The following OGDHL variants were observed in gnomAD, a reference collection of about 807,000 sequenced individuals.
The protein encoded by OGDHL is 2-oxoglutarate dehydrogenase-like, mitochondrial.
A neutral mutation model predicts 109.6 loss-of-function variants in OGDHL; 79 were observed. That is an observed-to-expected ratio of 0.72 (90% confidence interval 0.60 to 0.87). The LOEUF (loss-of-function observed/expected upper bound fraction) is 0.87. Among genes scored for constraint, OGDHL ranks in the 40% least tolerant of loss-of-function variants. The probability of loss-of-function intolerance (pLI) is 0.00; values close to 1 mark genes in which losing one functional copy is unlikely to be tolerated. For missense variants in OGDHL, 1,275 were observed against 1,362.2 expected (o/e 0.94, Z 1.01); for synonymous variants, 528 against 537.2 (o/e 0.98, Z 0.24).
At position 49,742,949 on chromosome 10, in the gene OGDHL, C is replaced by T; in HGVS notation, c.1891G>A (p.Asp631Asn). ...GLSRILRGRA[D>N]MTKNRTVDWA... ...TCCACCGTCCGGTTCTTGGTCATGTCCGCACGGCCCCGCAGAATGCGAGAG... is the reference window on the plus strand; with the variant it reads ...TCCACCGTCCGGTTCTTGGTCATGTTCGCACGGCCCCGCAGAATGCGAGAG... Residue 631 changes from aspartate (D) to asparagine (N), a missense_variant, in exon 15 of 23, where the codon GAC becomes AAC. Physicochemically the swap from Asp to Asn is conservative, Grantham distance 23 (BLOSUM62 1). Coordinates refer to ENST00000374103, the MANE Select transcript of OGDHL (RefSeq NM_018245.3). 6.2e-7 allele frequency: 1 copy of T among 1,613,746 alleles called. No individual in the cohort carries two copies. Among genetic ancestry groups the T allele is most frequent in the Non-Finnish European group, 8.5e-7 (1 of 1,179,998 alleles).
In OGDHL at chr10:49,742,891, G is replaced by T; in HGVS notation, c.1949C>A (p.Ser650Tyr). 1 of 1,614,008 alleles carries T rather than the reference G, an allele frequency of 6.2e-7. No homozygotes were observed. Among genetic ancestry groups the T allele is most frequent in the Non-Finnish European group, 8.5e-7 (1 of 1,179,978 alleles). Residue 650 changes from serine to tyrosine, a missense_variant, in exon 15 of 23, where the codon TCC becomes TAC. Coordinates refer to ENST00000374103, the MANE Select transcript of OGDHL (RefSeq NM_018245.3). The stretch of plus-strand genomic sequence containing the variant: ...CACGTGGATGCCTTCCTTCAGCAGG[G>T]AGCCAAAGGCCATGTACTCTGCCAA... The part of the protein sequence containing the change: ...WALAEYMAFG[S>Y]LLKEGIHVRL...
chr10:49,758,515 C>T lies in OGDHL; in HGVS notation c.78G>A (p.Val26=). ...CGGAGGACCTGCTGCGCCAGCCAAA[C>T]ACCGGGACGTCATGTGCAGCCAGGA... ...ARLLAAHDVP[V]FGWRSRSSGP... is the part of the protein sequence containing the mutation. Residue 26 remains valine, a synonymous_variant, in exon 2 of 23, where the codon GTG becomes GTA. Transcript: ENST00000374103. The T allele has an allele frequency of 6.2e-7, 1 of 1,613,944 alleles. No individual in the cohort carries two copies. The highest frequency in any genetic ancestry group is 2.2e-5 in the East Asian group (1 of 44,874).
At chr10:49,757,072 G>C (rs1043454297) in intron 2 of OGDHL, 126 bp from the exon 3 acceptor site, 5 of 906,064 alleles carry the variant, frequency 5.5e-6, no homozygotes, top group South Asian at 2.0e-5. Context: ...GCCTTCCCAG[G>C]GTGCCTAGAT....
At chr10:49,743,036 G>T in intron 14 of OGDHL, 58 bp from the exon 15 acceptor site, 1 of 1,586,482 alleles carries the variant, frequency 6.3e-7, no homozygotes, top group Non-Finnish European at 8.5e-7. Flanking sequence ...GGGGCGGGTA[G>T]GTAGGTGCTC....
At position 49,745,442 on chromosome 10, in the gene OGDHL, G is replaced by A; in HGVS notation, c.1531C>T (p.Pro511Ser). 2 of 1,614,144 alleles carry A rather than the reference G, an allele frequency of 1.2e-6. No individual in the cohort carries two copies. The highest frequency in any genetic ancestry group is 1.7e-6 in the Non-Finnish European group (2 of 1,180,038). ...NEMDEPMFTQ[P>S]LMYKQIHRQV... ...CTGTGGATCTGCTTGTACATGAGCGGCTGGGTGAACATGGGCTCGTCCATC... is the reference window on the plus strand; with the variant it reads ...CTGTGGATCTGCTTGTACATGAGCGACTGGGTGAACATGGGCTCGTCCATC... Residue 511 changes from proline to serine, a missense_variant, in exon 12 of 23, where the codon CCG becomes TCG. By Grantham distance (74) the Pro-to-Ser change is moderately conservative (BLOSUM62 -1). Coordinates refer to ENST00000374103, the MANE Select transcript of OGDHL (RefSeq NM_018245.3).
chr10:49,744,728 T>C lies in OGDHL; in HGVS notation c.1654A>G (p.Ile552Val). The C allele has an allele frequency of 3.1e-6, 5 of 1,614,020 alleles. No homozygotes were observed. Among genetic ancestry groups the C allele is most frequent in the Non-Finnish European group, 3.4e-6 (4 of 1,180,020 alleles). ...FEEEIAKYDR[I>V]CEEAYGRSKD... Reference sequence around the variant, plus strand: ...GACCTGCCATAAGCCTCCTCACAGATCCGGTCGTATTTGGCAATTTCTTCC... The same window carrying C: ...GACCTGCCATAAGCCTCCTCACAGACCCGGTCGTATTTGGCAATTTCTTCC... Residue 552 changes from isoleucine (I) to valine (V), a missense_variant, in exon 13 of 23, where the codon ATC becomes GTC. Physicochemically the swap from Ile to Val is conservative, Grantham distance 29. Transcript: ENST00000374103.
intron 12 of OGDHL, 89 bp downstream of exon 12, chr10:49,745,255 C>T (rs1010207772): frequency 3.3e-6 from 5 of 1,504,194 alleles, no homozygotes; most frequent in Non-Finnish European, 4.5e-6. Flanking sequence ...ATCCTTAGTG[C>T]CCAGCACTGG....
chr10:49,754,810 A>C (rs1469926600), intron 3 of OGDHL, among the ~76,000 whole-genome samples: 1 of 152,212 alleles, frequency 6.6e-6, no homozygotes, highest in Non-Finnish European at 1.5e-5. Context: ...GACTTGGGAA[A>C]ACCCTACAGG....
chr10:49,739,862 C>A (rs370396305), intron 16 of OGDHL, 23 bp from the exon 17 acceptor site: 91 of 1,604,078 alleles, frequency 5.7e-5, no homozygotes, highest in Non-Finnish European at 7.2e-5. Context: ...CAAGATAGAG[C>A]TTGCTGCACA....
At chr10:49,741,167 A>G (rs1841624922) in intron 15 of OGDHL, among the ~76,000 whole-genome samples, 1 of 152,060 alleles carries the variant, frequency 6.6e-6, no homozygotes, top group Non-Finnish European at 1.5e-5. Context: ...GGGACCTGAT[A>G]AGACACTTCC....
rs142294792 is a variant in OGDHL, at chr10:49,747,177, A to G, written c.1019T>C (p.Met340Thr). The G allele has an allele frequency of 1.9e-5, 31 of 1,613,998 alleles. No homozygotes were observed. In the African/African-American group the frequency reaches 3.3e-4, roughly 17 times the overall value. The change falls in exon 9 of 23, where the codon ATG becomes ACG. Residue 340 changes from methionine (M) to threonine (T), a missense_variant. Met to Thr is a moderately conservative substitution (Grantham distance 81). Coordinates refer to ENST00000374103, the MANE Select transcript of OGDHL (RefSeq NM_018245.3). The stretch of plus-strand genomic sequence containing the variant: ...GACGCGGTTGATCCTCTCATGGTAC[A>G]TGCCCAGGTGGTACTTGACATCCCC... Reference protein sequence around the residue: ...GSGDVKYHLGMYHERINRVTN... With the variant: ...GSGDVKYHLGTYHERINRVTN...
chr10:49,741,932 CCACAAA>C (rs1256207035), intron 15 of OGDHL, among the ~76,000 whole-genome samples: 5 of 144,590 alleles, frequency 3.5e-5, no homozygotes, highest in African/African-American at 5.1e-5. Context: ...AGACTACACA[CCACAAA>C]CACAATCACA....
intron 1 of OGDHL, among the ~76,000 whole-genome samples, chr10:49,760,928 A>G (rs1843234768): frequency 6.6e-6 from 1 of 152,248 alleles, no homozygotes; most frequent in Non-Finnish European, 1.5e-5. Context: ...AGATAGGGAC[A>G]AAGTCTGGCT....
intron 1 of OGDHL, among the ~76,000 whole-genome samples, chr10:49,758,979 G>A (rs1313722717): frequency 6.6e-6 from 1 of 152,086 alleles, no homozygotes; most frequent in Non-Finnish European, 1.5e-5. Flanking sequence ...GGTGCAGGGA[G>A]TACCACCAAG....
rs765169520 is a variant in OGDHL, at chr10:49,750,906, G to T, written c.829C>A (p.Leu277Ile). ...CTGGATTTGTCGATGATGGTCTTGA[G>T]GGCAGGAATCATCACTTCACAGCCC... Reference protein sequence around the residue: ...LEGCEVMIPALKTIIDKSSEM... With the variant: ...LEGCEVMIPAIKTIIDKSSEM... Residue 277 changes from leucine to isoleucine, a missense_variant, in exon 7 of 23, where the codon CTC becomes ATC. Leu to Ile is a conservative substitution (Grantham distance 5). Transcript: ENST00000374103. The T allele has an allele frequency of 1.2e-6, 2 of 1,612,624 alleles. No individual in the cohort carries two copies. The highest frequency in any genetic ancestry group is 3.3e-5 in the Admixed American group (2 of 59,876).
chr10:49,754,586 C>T lies in OGDHL; in HGVS notation c.376-1846G>A, dbSNP rs1228036984. The stretch of plus-strand genomic sequence containing the variant: ...AATTGGCATATCACCATTTTTGCAA[C>T]CCCTAGTGAGTTAATGGATCTAGGA... On this transcript the variant is annotated intron_variant, in intron 3 of 22. Transcript: ENST00000374103. Among the ~76,000 whole-genome samples the T allele has an allele frequency of 2.6e-5, 4 of 152,138 alleles. No individual in the cohort carries two copies. The East Asian group carries it at 5.8e-4, about 22-fold the overall frequency.
At chr10:49,744,177 CT>C in intron 13 of OGDHL, 55 bp from the exon 14 acceptor site, 3 of 1,591,128 alleles carry the variant, frequency 1.9e-6, no homozygotes, top group Non-Finnish European at 1.7e-6. Context: ...TCTGATCCCC[CT>C]GGCCAGCCTG....
intron 17 of OGDHL, 184 bp downstream of exon 17, chr10:49,739,477 G>C: frequency 1.6e-6 from 1 of 633,308 alleles, no homozygotes; most frequent in Non-Finnish European, 2.6e-6. Flanking sequence ...TGCTGCCAGG[G>C]GTAGCATCAT....
At chr10:49,743,679 T>C in intron 14 of OGDHL, 1 of 236,134 alleles carries the variant, frequency 4.2e-6, no homozygotes. Context: ...ATGGGAGCCC[T>C]TGCTTTCCTG....
Sources: gnomAD v4.1 joint callset for allele counts (sites outside exome capture counted in the v4.1 genomes callset) on GRCh38, gnomAD v4.1.1 for gene constraint, MANE v1.5 for transcripts, NCBI Gene and HGNC (gene_info 2026-07-23, HGNC 2026-07-21) for gene names.